The following RANBP2 variants were observed in gnomAD, a reference collection of about 807,000 sequenced individuals.
The protein encoded by RANBP2 is E3 SUMO-protein ligase RanBP2.
A neutral mutation model predicts 303.6 loss-of-function variants in RANBP2; 57 were observed. The ratio of observed to expected loss-of-function variants is 0.19; its 90% CI spans 0.15 to 0.23. RANBP2 has a LOEUF of 0.23. Ranked by LOEUF, RANBP2 falls within the 10% of genes least tolerant of loss-of-function variation. The pLI is 1.00. For synonymous variants in RANBP2, 1,167 were observed against 1,301.5 expected (o/e 0.90, Z 2.23); for missense variants, 3,138 against 3,780.8 (o/e 0.83, Z 4.46).
the RANBP2 span, among the ~76,000 whole-genome samples, chr2:109,765,910 C>A: frequency 3.3e-5 from 5 of 150,590 alleles, no homozygotes; most frequent in African/African-American, 1.2e-4. Context: ...GATCCCTGAT[C>A]TTGACCTTCA....
chr2:109,644,230 C>A, the RANBP2 span, among the ~76,000 whole-genome samples: 2 of 152,084 alleles, frequency 1.3e-5, no homozygotes, highest in Admixed American at 1.3e-4. Flanking sequence ...TCTCTTGAAC[C>A]CAGGAGGTGG....
chr2:108,829,418 A>G, the RANBP2 span, among the ~76,000 whole-genome samples: 1 of 152,204 alleles, frequency 6.6e-6, no homozygotes, highest in Non-Finnish European at 1.5e-5. Flanking sequence ...GAAATACAAA[A>G]CCACAGTAAG....
the RANBP2 span, chr2:109,490,592 T>C: frequency 7.1e-7 from 1 of 1,417,816 alleles, no homozygotes; most frequent in Non-Finnish European, 9.2e-7. Context: ...TTCCATCTTG[T>C]GTGTCTCCCC....
chr2:109,142,042 C>CT, the RANBP2 span, among the ~76,000 whole-genome samples: 1 of 112,886 alleles, frequency 8.9e-6, no homozygotes, highest in Non-Finnish European at 2.2e-5. Context: ...CTTGAGTCTC[C>CT]TGGGGGGGGG....
chr2:109,693,523 T>G, the RANBP2 span, among the ~76,000 whole-genome samples: 1 of 152,172 alleles, frequency 6.6e-6, no homozygotes, highest in African/African-American at 2.4e-5. Flanking sequence ...CTCGTGGTAG[T>G]GAGTAAGTCT....
chr2:108,832,170 C>T, the RANBP2 span, among the ~76,000 whole-genome samples: 1,579 of 152,050 alleles, frequency 0.01, 27 homozygotes, highest in African/African-American at 0.037. Flanking sequence ...GCTGGGATTA[C>T]AGGTGTACGC....
At chr2:109,415,952 C>G in the RANBP2 span, among the ~76,000 whole-genome samples, 1 of 152,154 alleles carries the variant, frequency 6.6e-6, no homozygotes, top group Non-Finnish European at 1.5e-5. Flanking sequence ...TTCATGGGAG[C>G]AGGGCTGGTG....
At chr2:109,565,014 CTG>C in the RANBP2 span, among the ~76,000 whole-genome samples, 1 of 152,162 alleles carries the variant, frequency 6.6e-6, no homozygotes, top group African/African-American at 2.4e-5. Context: ...ATTTATGATC[CTG>C]TGTTAGACAC....
chr2:109,016,002 G>A, the RANBP2 span, among the ~76,000 whole-genome samples: 1 of 152,172 alleles, frequency 6.6e-6, no homozygotes, highest in Non-Finnish European at 1.5e-5. Flanking sequence ...AGCACACATG[G>A]GGCATCTTAA....
At chr2:109,177,192 C>T in the RANBP2 span, among the ~76,000 whole-genome samples, 1 of 152,190 alleles carries the variant, frequency 6.6e-6, no homozygotes, top group Non-Finnish European at 1.5e-5. Flanking sequence ...ATAAGGGGGA[C>T]TGTGTTTTCA....
the RANBP2 span, among the ~76,000 whole-genome samples, chr2:108,886,738 T>TTA: frequency 0.017 from 2,587 of 151,056 alleles, 103 homozygotes; most frequent in South Asian, 0.15. Flanking sequence ...TAATGGGATT[T>TTA]AAAAAAAAAA....
At chr2:109,346,548 T>G in the RANBP2 span, among the ~76,000 whole-genome samples, 3 of 152,130 alleles carry the variant, frequency 2.0e-5, no homozygotes, top group African/African-American at 7.2e-5. Context: ...GATTGACCTC[T>G]GGCAAAGCTC....
chr2:109,518,943 G>T, the RANBP2 span, among the ~76,000 whole-genome samples: 1 of 139,458 alleles, frequency 7.2e-6, no homozygotes, highest in Non-Finnish European at 1.5e-5. Flanking sequence ...TTTTTTGAGG[G>T]AGTCTCGCTC....
the RANBP2 span, among the ~76,000 whole-genome samples, chr2:109,452,806 G>A: frequency 3.3e-5 from 5 of 150,504 alleles, no homozygotes; most frequent in Non-Finnish European, 7.4e-5. Context: ...GCTGGTGCTG[G>A]GAGGCTGGTT....
At chr2:109,129,632 G>T in the RANBP2 span, 2 of 1,493,386 alleles carry the variant, frequency 1.3e-6, no homozygotes, top group Non-Finnish European at 1.8e-6. Flanking sequence ...GGCGAGCGAC[G>T]GCGGCGTCGG....
the RANBP2 span, among the ~76,000 whole-genome samples, chr2:108,835,436 A>C: frequency 1.3e-5 from 2 of 152,226 alleles, no homozygotes; most frequent in African/African-American, 2.4e-5. Context: ...AATTCATGGA[A>C]CTGTTGATGG....
At chr2:108,809,994 C>T in the RANBP2 span, among the ~76,000 whole-genome samples, 24 of 152,120 alleles carry the variant, frequency 1.6e-4, no homozygotes, top group East Asian at 2.5e-3. Flanking sequence ...TTAGTAGAGA[C>T]GGGGTTTTGC....
At chr2:109,671,604 T>G in the RANBP2 span, among the ~76,000 whole-genome samples, 1 of 152,150 alleles carries the variant, frequency 6.6e-6, no homozygotes, top group African/African-American at 2.4e-5. Context: ...CAGGCATGAG[T>G]GGAGCATTAT....
the RANBP2 span, among the ~76,000 whole-genome samples, chr2:109,634,711 A>T: frequency 4.6e-5 from 7 of 152,242 alleles, no homozygotes; most frequent in Non-Finnish European, 1.0e-4. Flanking sequence ...TGCATAATAC[A>T]ATAATAACAA....
Sources: allele counts gnomAD v4.1 joint callset (sites outside exome capture counted in the v4.1 genomes callset), GRCh38; gene constraint gnomAD v4.1.1; transcripts MANE v1.5; gene names NCBI Gene and HGNC (gene_info 2026-07-23, HGNC 2026-07-21).